The following SLK variants were observed in gnomAD, a reference collection of about 807,000 sequenced individuals.
SLK encodes STE20 like kinase.
SLK carries 67 observed loss-of-function variants against 147.7 expected under a neutral mutation model. The ratio of observed to expected loss-of-function variants is 0.45; its 90% confidence interval spans 0.37 to 0.56. The LOEUF (loss-of-function observed/expected upper bound fraction) is 0.56. SLK is among the 20% of genes least tolerant of loss of function. SLK has a pLI of 0.00. For synonymous variants in SLK, 441 were observed against 475.0 expected (o/e 0.93, Z 0.93); for missense variants, 1,136 against 1,438.8 (o/e 0.79, Z 3.41).
intron 1 of SLK, among the ~76,000 whole-genome samples, chr10:103,978,768 T>C (rs1843902797): frequency 6.6e-6 from 1 of 152,176 alleles, no homozygotes; most frequent in South Asian, 2.1e-4. Context: ...ATTTATAAGA[T>C]GATCAACTTT....
rs1844616747 is a variant in SLK at position 104,027,721 on chromosome 10, C to G, written c.*2001C>G. 1 of 151,996 alleles carries G rather than the reference C, an allele frequency of 6.6e-6. No homozygotes were observed. The highest frequency in any genetic ancestry group is 2.4e-5 in the African/African-American group (1 of 41,364). 9.4% of individuals were successfully genotyped at this position (151,996 alleles called of 1,614,324 possible). A position where few individuals can be genotyped will look rare whatever the true frequency, so the allele number is the denominator to read the frequency against. On this transcript the variant is annotated 3_prime_UTR_variant, in exon 19 of 19. Coordinates refer to ENST00000369755, the MANE Select transcript of SLK (RefSeq NM_014720.4). ...GCAGTAGACATTTTTTTTCTAGTAT[C>G]ATTTAATTGATACCCTGTGCGCTAA...
chr10:103,972,010 G>A (rs1035240809), intron 1 of SLK, among the ~76,000 whole-genome samples: 5 of 151,912 alleles, frequency 3.3e-5, no homozygotes, highest in Non-Finnish European at 7.4e-5. Flanking sequence ...ATTTAGTTTT[G>A]TATGCACTTG....
chr10:104,020,720 T>G (rs1844523646), intron 17 of SLK, 107 bp downstream of exon 17: 1 of 1,238,380 alleles, frequency 8.1e-7, no homozygotes, highest in East Asian at 2.4e-5. Context: ...TACACGAACA[T>G]GCTGGGTTTG....
intron 4 of SLK, among the ~76,000 whole-genome samples, chr10:103,997,899 C>A (rs1313815109): frequency 1.3e-5 from 2 of 151,964 alleles, no homozygotes; most frequent in African/African-American, 4.8e-5. Flanking sequence ...TAGGGACATA[C>A]TTGTGTAAAA....
At chr10:104,005,811 C>T (rs568053549) in intron 10 of SLK, 101 bp from the exon 11 acceptor site, 34 of 1,479,264 alleles carry the variant, frequency 2.3e-5, no homozygotes, top group Non-Finnish European at 2.8e-5. Context: ...TCTTTTACTA[C>T]CGTTCCACTC....
intron 7 of SLK, among the ~76,000 whole-genome samples, chr10:104,000,752 T>C (rs1413380306): frequency 7.2e-5 from 11 of 152,246 alleles, no homozygotes; most frequent in Non-Finnish European, 1.6e-4. Flanking sequence ...ATAGAGATGG[T>C]TACTTTTTAA....
In SLK at chr10:104,001,453, G is replaced by A. The variant is rs1844247028; in HGVS notation, c.874G>A (p.Val292Ile). The change falls in exon 8 of 19, where the codon GTT (valine) becomes ATT (isoleucine). Residue 292 changes from valine (V) to isoleucine (I), a missense_variant. Physicochemically the swap from Val to Ile is conservative, Grantham distance 29 (BLOSUM62 3). Around this residue, in one of 6 missense-constraint regions of SLK, gnomAD observed 141 missense variants for 219.3 expected, o/e 0.64. Coordinates refer to ENST00000369755, the MANE Select transcript of SLK (RefSeq NM_014720.4). ...TTSQLLQHPF[V>I]TVDSNKPIRE... ...TTTTAATGATCAACAGCATCCCTTT[G>A]TTACTGTTGATTCCAACAAACCCAT... The A allele has an allele frequency of 1.2e-6, 2 of 1,613,868 alleles. No homozygotes were observed. The highest frequency in any genetic ancestry group is 1.7e-6 in the Non-Finnish European group (2 of 1,179,836).
chr10:103,987,275 G>A (rs1236862279), intron 1 of SLK, among the ~76,000 whole-genome samples: 1 of 151,774 alleles, frequency 6.6e-6, no homozygotes, highest in Non-Finnish European at 1.5e-5. Context: ...AATTTTAGAG[G>A]TTATCTAGTG....
intron 18 of SLK, 58 bp from the exon 19 acceptor site, chr10:104,025,516 C>A: frequency 1.1e-5 from 17 of 1,518,260 alleles, no homozygotes; most frequent in Non-Finnish European, 1.3e-5. Context: ...TGGCTGTCAG[C>A]ATAAATTCTA....
At chr10:103,975,528 T>TACTC (rs10634228) in intron 1 of SLK, among the ~76,000 whole-genome samples, 130,202 of 151,826 alleles carry the variant, frequency 0.86, 56,055 homozygotes, top group African/African-American at 0.93. Context: ...TATCATCTCT[T>TACTC]AGACTACTGC....
At chr10:103,986,919 G>A (rs1044694462) in intron 1 of SLK, among the ~76,000 whole-genome samples, 16 of 152,018 alleles carry the variant, frequency 1.1e-4, no homozygotes, top group East Asian at 1.9e-4. Flanking sequence ...CTTGTGATCC[G>A]CCCGCCTTGG....
At chr10:104,024,715 C>T (rs1156279024) in intron 18 of SLK, among the ~76,000 whole-genome samples, 2 of 152,184 alleles carry the variant, frequency 1.3e-5, no homozygotes, top group African/African-American at 2.4e-5. Context: ...ATCCCTGAAT[C>T]ACTTCTCCAC....
chr10:104,005,477 A>G (rs805661), intron 9 of SLK, 84 bp from the exon 10 acceptor site: 4 of 1,276,558 alleles, frequency 3.1e-6, no homozygotes, highest in South Asian at 1.5e-5. Flanking sequence ...TTTAAAAAAG[A>G]AAGAAATGTT....
At position 103,967,433 on chromosome 10, in the gene SLK, C is replaced by G. The variant is rs992108355; in HGVS notation, c.-313C>G. On this transcript the variant is annotated 5_prime_UTR_variant, in exon 1 of 19. Coordinates refer to ENST00000369755, the MANE Select transcript of SLK (RefSeq NM_014720.4). Reference sequence around the variant, plus strand: ...GGGAGTCCTGACCGCTCGGACCCGTCGGATCAGGCCGGGTGGGAGCGAGCT... The same window carrying G: ...GGGAGTCCTGACCGCTCGGACCCGTGGGATCAGGCCGGGTGGGAGCGAGCT... 12 of 150,742 alleles carry G rather than the reference C, an allele frequency of 8.0e-5. No homozygotes were observed. Among genetic ancestry groups the G allele is most frequent in the African/African-American group, 2.4e-4 (10 of 41,292 alleles). The allele number at this position is 150,742 out of a possible 1,614,324, so 9.3% of individuals were successfully genotyped here.
intron 1 of SLK, 83 bp downstream of exon 1, chr10:103,967,978 G>A (rs1843740198): frequency 1.4e-6 from 2 of 1,392,160 alleles, no homozygotes; most frequent in Admixed American, 3.6e-5. Context: ...CTGCTCCCCT[G>A]GTCCTTATCC....
intron 6 of SLK, among the ~76,000 whole-genome samples, 183 bp from the exon 7 acceptor site, chr10:103,999,682 GTC>G (rs1309525406): frequency 6.6e-6 from 1 of 152,074 alleles, no homozygotes; most frequent in African/African-American, 2.4e-5. Context: ...TTACATATAT[GTC>G]TAACATGTAT....
At chr10:104,009,550 A>T (rs1393362482) in intron 12 of SLK, among the ~76,000 whole-genome samples, 1 of 152,052 alleles carries the variant, frequency 6.6e-6, no homozygotes, top group African/African-American at 2.4e-5. Flanking sequence ...TTTATGTAGA[A>T]TTGCTGTATA....
Position 103,998,986 on chromosome 10 carries a change from T to C in SLK, c.587+15T>C. ...ACACCATATTGGTATGTATTCAGTT[T>C]TATGAATTTATAGTATTAGTCATGT... is the stretch of plus-strand genomic sequence containing the variant. On this transcript the variant is annotated intron_variant, in intron 5 of 18. Transcript: ENST00000369755. 6.3e-7 allele frequency: 1 copy of C among 1,583,640 alleles called. No homozygotes were observed. Among genetic ancestry groups the C allele is most frequent in the Non-Finnish European group, 8.7e-7 (1 of 1,154,166 alleles).
chr10:103,970,329 C>T (rs1045549591), intron 1 of SLK, among the ~76,000 whole-genome samples: 1 of 152,146 alleles, frequency 6.6e-6, no homozygotes, highest in African/African-American at 2.4e-5. Flanking sequence ...ATGACACTTT[C>T]TGCAAAATGT....
Sources: allele counts gnomAD v4.1 joint callset (sites outside exome capture counted in the v4.1 genomes callset), GRCh38; gene constraint gnomAD v4.1.1; regional missense constraint gnomAD v4.1.1; transcripts MANE v1.5; gene names NCBI Gene and HGNC (gene_info 2026-07-23, HGNC 2026-07-21).